Variants in WDR17 observed in about 807,000 individuals in gnomAD.
WDR17 encodes the protein WD repeat-containing protein 17.
WDR17 carries 143 observed loss-of-function variants against 161.7 expected under a neutral mutation model. The ratio of observed to expected loss-of-function variants is 0.88; its 90% confidence interval spans 0.77 to 1.02. The LOEUF (loss-of-function observed/expected upper bound fraction) is 1.02, where lower values mean the gene tolerates loss of function less well. Ranked by LOEUF, WDR17 falls within the 50% of genes least tolerant of loss-of-function variation. The pLI is 0.00. For synonymous variants in WDR17, 517 were observed against 515.6 expected (o/e 1.00, Z -0.04); for missense variants, 1,469 against 1,520.9 (o/e 0.97, Z 0.57).
chr4:176,139,329 A>G (rs1268645083), intron 9 of WDR17, among the ~76,000 whole-genome samples: 2 of 151,960 alleles, frequency 1.3e-5, no homozygotes, highest in African/African-American at 4.8e-5. Context: ...AATTCCATCT[A>G]TTAACTATAT....
At chr4:176,094,613 A>G (rs1736572773) in intron 1 of WDR17, among the ~76,000 whole-genome samples, 1 of 152,248 alleles carries the variant, frequency 6.6e-6, no homozygotes, top group Non-Finnish European at 1.5e-5. Flanking sequence ...CATTGAAAGC[A>G]GAGAACAGTA....
chr4:176,156,053 C>T (rs1748075833), intron 17 of WDR17, 26 bp from the exon 18 acceptor site: 3 of 1,611,336 alleles, frequency 1.9e-6, no homozygotes, highest in African/African-American at 1.3e-5. Flanking sequence ...TTAATATGCT[C>T]CTGCCCTTTT....
At chr4:176,176,955 T>C (rs1406969218) in intron 26 of WDR17, 103 bp from the exon 27 acceptor site, 1 of 750,134 alleles carries the variant, frequency 1.3e-6, no homozygotes, top group Non-Finnish European at 2.3e-6. Flanking sequence ...ATAATGTCTG[T>C]ATACAGAAAT....
chr4:176,107,925 T>C (rs1739038112), intron 1 of WDR17, among the ~76,000 whole-genome samples: 2 of 127,742 alleles, frequency 1.6e-5, no homozygotes, highest in African/African-American at 5.3e-5. Flanking sequence ...TTTTCTTCCT[T>C]TTTTCCTTCC....
chr4:176,073,927 C>A (rs199611009), intron 1 of WDR17, among the ~76,000 whole-genome samples: 4 of 150,056 alleles, frequency 2.7e-5, no homozygotes, highest in Non-Finnish European at 4.5e-5. Context: ...CTGTTCATAT[C>A]CTTCACCCAC....
chr4:176,159,107 C>A (rs994704081), intron 18 of WDR17, among the ~76,000 whole-genome samples: 1 of 152,024 alleles, frequency 6.6e-6, no homozygotes, highest in Admixed American at 6.6e-5. Context: ...GCTACCCCTA[C>A]CCAAAGATTA....
Position 176,125,209 on chromosome 4 carries a change from T to C in WDR17, c.644T>C (p.Leu215Pro). The part of the protein sequence containing the change: ...LEWDPLSTDY[L>P]LVVNLHYGIR... Reference sequence around the variant, plus strand: ...TGGGACCCACTATCTACTGATTATCTTCTAGTGGTTAATTTGCATTATGGA... The same window carrying C: ...TGGGACCCACTATCTACTGATTATCCTCTAGTGGTTAATTTGCATTATGGA... The change falls in exon 5 of 29, where the codon CTT becomes CCT. Residue 215 changes from leucine to proline, a missense_variant. Coordinates refer to ENST00000508596, the MANE Select transcript of WDR17 (RefSeq NM_181265.4). 2.5e-6 allele frequency: 4 copies of C among 1,614,178 alleles called. No individual in the cohort carries two copies. The highest frequency in any genetic ancestry group is 3.4e-6 in the Non-Finnish European group (4 of 1,180,018).
At chr4:176,099,114 C>G (rs1480635924) in intron 1 of WDR17, among the ~76,000 whole-genome samples, 1 of 152,062 alleles carries the variant, frequency 6.6e-6, no homozygotes, top group Non-Finnish European at 1.5e-5. Context: ...CTGCTGGTTT[C>G]TAGTTCAGTA....
chr4:176,161,009 G>A lies in WDR17; in HGVS notation c.2750+7G>A. 1 of 1,601,744 alleles carries A rather than the reference G, an allele frequency of 6.2e-7. No individual in the cohort carries two copies. The highest frequency in any genetic ancestry group is 8.5e-7 in the Non-Finnish European group (1 of 1,173,992). On this transcript the variant is annotated splice_region_variant and intron_variant, in intron 20 of 28. Transcript: ENST00000508596. ...ACAAGGAAGACTTTAATGAGTGAGT[G>A]ATTTATTTGCTCTGGGTCCATATGT... is the stretch of plus-strand genomic sequence containing the variant.
chr4:176,148,249 G>A lies in WDR17; in HGVS notation c.1811G>A (p.Gly604Asp), dbSNP rs777226415. 6.2e-7 allele frequency: 1 copy of A among 1,613,984 alleles called. No homozygotes were observed. Among genetic ancestry groups the A allele is most frequent in the South Asian group, 1.1e-5 (1 of 91,072 alleles). ...NTEIPYLLIS[G>D]SWDYTIKVWD... The stretch of plus-strand genomic sequence containing the variant: ...GAGATTCCATATCTGCTCATATCTG[G>A]CAGCTGGGACTATACTATAAAAGTA... Residue 604 changes from glycine (G) to aspartate (D), a missense_variant, in exon 13 of 29, where the codon GGC becomes GAC. Physicochemically the swap from Gly to Asp is moderately conservative, Grantham distance 94. Transcript: ENST00000508596.
At chr4:176,156,354 A>C (rs1442237436) in intron 18 of WDR17, among the ~76,000 whole-genome samples, 1 of 152,198 alleles carries the variant, frequency 6.6e-6, no homozygotes, top group African/African-American at 2.4e-5. Context: ...TCTGATGAAG[A>C]TAGCAGAAGG....
intron 1 of WDR17, among the ~76,000 whole-genome samples, chr4:176,101,589 C>A (rs1181460083): frequency 2.0e-5 from 3 of 152,004 alleles, no homozygotes; most frequent in Non-Finnish European, 4.4e-5. Flanking sequence ...TGAAGGAGAA[C>A]AAAGTGGGAT....
In WDR17 at chr4:176,137,661, GTATT is replaced by G. The variant is rs558475498; in HGVS notation, c.1359+56_1359+59del. On this transcript the variant is annotated intron_variant, in intron 9 of 28. Coordinates refer to ENST00000508596, the MANE Select transcript of WDR17 (RefSeq NM_181265.4). The stretch of plus-strand genomic sequence containing the variant: ...ATAATATAATGTTTTATACTATTTT[GTATT>G]TATTTTGTAAATATTTTTATTTCTT... 944 of 1,126,768 alleles carry G rather than the reference GTATT, an allele frequency of 8.4e-4. 5 individuals are homozygous for G. The African/African-American group carries it at 0.014, about 17-fold the overall frequency. 69.8% of individuals were successfully genotyped at this position (1,126,768 alleles called of 1,614,324 possible). A position where few individuals can be genotyped will look rare whatever the true frequency, so the allele number is the denominator to read the frequency against.
Position 176,138,858 on chromosome 4 carries a change from T to C in WDR17, c.1360-1034T>C, listed in dbSNP as rs10022928. 8.6e-3 allele frequency among the ~76,000 whole-genome samples: 1,301 copies of C among 151,926 alleles called. 28 individuals carry two copies. Among genetic ancestry groups the C allele is most frequent in the African/African-American group, 0.029 (1,205 of 41,546 alleles). On this transcript the variant is annotated intron_variant, in intron 9 of 28. Coordinates refer to ENST00000508596, the MANE Select transcript of WDR17 (RefSeq NM_181265.4). Reference sequence around the variant, plus strand: ...CTAGCGAAATTGCTTAAATCCTATGTCATAAATAAGGGAAAAATTAACAAT... The same window carrying C: ...CTAGCGAAATTGCTTAAATCCTATGCCATAAATAAGGGAAAAATTAACAAT...
In WDR17 at chr4:176,121,100, T is replaced by C. The variant is rs1380795338; in HGVS notation, c.538+1003T>C. Among the ~76,000 whole-genome samples, 5 of 152,194 alleles carry C rather than the reference T, an allele frequency of 3.3e-5. No homozygotes were observed. The East Asian group carries it at 9.6e-4, about 29-fold the overall frequency. On this transcript the variant is annotated intron_variant, in intron 4 of 28. Coordinates refer to ENST00000508596, the MANE Select transcript of WDR17 (RefSeq NM_181265.4). ...AGCTCTTTGTACACGTCCTCTGTTG[T>C]TCCTTCTGGTTGTACCAGGTTTACG... is the stretch of plus-strand genomic sequence containing the variant.
intron 1 of WDR17, among the ~76,000 whole-genome samples, chr4:176,110,590 T>A (rs1355853956): frequency 6.6e-6 from 1 of 152,206 alleles, no homozygotes; most frequent in Non-Finnish European, 1.5e-5. Flanking sequence ...TTTTTAAGTA[T>A]GATTTTGTTA....
chr4:176,169,234 T>G (rs759577245), intron 23 of WDR17, among the ~76,000 whole-genome samples: 1 of 152,156 alleles, frequency 6.6e-6, no homozygotes, highest in Non-Finnish European at 1.5e-5. Flanking sequence ...ATAATGAAAT[T>G]TACATGCATT....
intron 1 of WDR17, among the ~76,000 whole-genome samples, chr4:176,090,256 TA>T (rs202133700): frequency 0.013 from 1,784 of 132,310 alleles, 10 homozygotes; most frequent in African/African-American, 0.019. Flanking sequence ...CTGGTTGTTT[TA>T]AAAAAAAAAA....
intron 28 of WDR17, 83 bp downstream of exon 28, chr4:176,177,737 T>A: frequency 2.1e-6 from 3 of 1,426,294 alleles, no homozygotes; most frequent in Non-Finnish European, 2.8e-6. Flanking sequence ...TAAGCCTAAT[T>A]TGGATAAAAG....
Sources: gnomAD v4.1 joint callset for allele counts (sites outside exome capture counted in the v4.1 genomes callset) on GRCh38, gnomAD v4.1.1 for gene constraint, MANE v1.5 for transcripts, NCBI Gene and HGNC (gene_info 2026-07-23, HGNC 2026-07-21) for gene names.